Variants in SPATC1 observed in about 807,000 individuals in gnomAD.
SPATC1 encodes the protein spermatogenesis and centriole associated 1, also known as speriolin.
Under a neutral mutation model 36.5 loss-of-function variants are expected in SPATC1, and 35 were observed. The observed-to-expected ratio is 0.96, with a 90% CI of 0.73 to 1.27. The LOEUF is 1.27. Ranked by LOEUF, SPATC1 falls within the 50% of genes most tolerant of loss-of-function variation. The pLI, the probability that SPATC1 is intolerant of heterozygous loss-of-function variation, is 0.00. For missense variants in SPATC1, 779 were observed against 796.0 expected (o/e 0.98, Z 0.26); for synonymous variants, 361 against 353.6 (o/e 1.02, Z -0.24).
intron 1 of SPATC1, among the ~76,000 whole-genome samples, chr8:144,039,334 T>G (rs989966734): frequency 1.3e-5 from 2 of 152,196 alleles, no homozygotes; most frequent in African/African-American, 4.8e-5. Flanking sequence ...AGCTCTGACC[T>G]GCATCCCTGT....
At chr8:144,035,667 C>T (rs1001011988) in intron 1 of SPATC1, among the ~76,000 whole-genome samples, 25 of 152,370 alleles carry the variant, frequency 1.6e-4, no homozygotes, top group African/African-American at 5.8e-4. Context: ...GCTGTGCCCT[C>T]TCTCAGCCCT....
rs1554756757 is a variant in SPATC1, at chr8:144,046,462, G to A, written c.1447-165G>A. On this transcript the variant is annotated intron_variant, in intron 4 of 4. Transcript: ENST00000377470. The surrounding 1 kb of genome is among the most constrained non-coding windows in gnomAD (Gnocchi z 6.6). ...GAGACCTGTCAGGCTCTGCCCACTGGGTTCCCCTGTCCTAGATTCTTGAGG... is the reference window on the plus strand; with the variant it reads ...GAGACCTGTCAGGCTCTGCCCACTGAGTTCCCCTGTCCTAGATTCTTGAGG... 6.6e-6 allele frequency among the ~76,000 whole-genome samples: 1 copy of A among 152,144 alleles called. No homozygotes were observed. The highest frequency in any genetic ancestry group is 1.9e-4 in the East Asian group (1 of 5,198).
intron 4 of SPATC1, among the ~76,000 whole-genome samples, chr8:144,043,279 G>A (rs1381494400): frequency 6.7e-6 from 1 of 150,122 alleles, no homozygotes; most frequent in Non-Finnish European, 1.5e-5. Context: ...ACAGGCGTGA[G>A]CCACGGTGCC....
At position 144,017,132 on chromosome 8, in the gene SPATC1, A is replaced by T. The variant is rs546668210; in HGVS notation, c.211+4406A>T. 2.4e-4 allele frequency among the ~76,000 whole-genome samples: 36 copies of T among 152,280 alleles called. No individual in the cohort carries two copies. The Middle Eastern group carries it at 0.014, about 58-fold the overall frequency. The stretch of plus-strand genomic sequence containing the variant: ...AGAGAGAAATCCATTCACGTTATTT[A>T]ATAAGAAAACAGAAACCCTAACTGC... On this transcript the variant is annotated intron_variant, in intron 1 of 4. Transcript: ENST00000377470.
rs1835245832 is a variant in SPATC1, at chr8:144,045,864, G to A, written c.1447-763G>A. ...ACTGCCCAGGTCACACATCCAGGGG[G>A]CAGCGGCAGGCTGAGTGGGAGGGGC... On this transcript the variant is annotated intron_variant, in intron 4 of 4. Transcript: ENST00000377470. The surrounding 1 kb of genome is among the most constrained non-coding windows in gnomAD (Gnocchi z 5.2). Among the ~76,000 whole-genome samples the A allele has an allele frequency of 6.6e-6, 1 of 152,268 alleles. No individual in the cohort carries two copies. The highest frequency in any genetic ancestry group is 1.5e-5 in the Non-Finnish European group (1 of 68,044).
intron 1 of SPATC1, among the ~76,000 whole-genome samples, chr8:144,021,409 C>T (rs1834532098): frequency 7.9e-6 from 1 of 126,658 alleles, no homozygotes; most frequent in Admixed American, 7.8e-5. Flanking sequence ...CCTTCCCCAT[C>T]AGTACCCTCC....
rs1834293828 is a variant in SPATC1, at chr8:144,012,312, G to T, written c.-204G>T. 1 of 595,070 alleles carries T rather than the reference G, an allele frequency of 1.7e-6. No homozygotes were observed. The highest frequency in any genetic ancestry group is 2.0e-5 in the South Asian group (1 of 50,114). 36.9% of individuals were successfully genotyped at this position (595,070 alleles called of 1,614,324 possible). On this transcript the variant is annotated 5_prime_UTR_variant, in exon 1 of 5. Transcript: ENST00000377470. ...AGGCCGAGGCAAGGCCTGTGTACAG[G>T]CCTGGTGGCATGGAGAGCTGAGGGT... is the stretch of plus-strand genomic sequence containing the variant.
At chr8:144,017,691 G>A (rs1226895481) in intron 1 of SPATC1, among the ~76,000 whole-genome samples, 1 of 152,108 alleles carries the variant, frequency 6.6e-6, no homozygotes, top group Non-Finnish European at 1.5e-5. Context: ...TGTTACAAAG[G>A]TTTATTTGTC....
rs376331414 is a variant in SPATC1, at chr8:144,015,606, G to T, written c.211+2880G>T. 3.3e-5 allele frequency among the ~76,000 whole-genome samples: 5 copies of T among 151,044 alleles called. No homozygotes were observed. In the East Asian group the frequency reaches 5.9e-4, roughly 18 times the overall value. On this transcript the variant is annotated intron_variant, in intron 1 of 4. Coordinates refer to ENST00000377470, the MANE Select transcript of SPATC1 (RefSeq NM_198572.3). ...CAAATACAAAAATCAGCCGGGTGTG[G>T]TGGCAGGCGCCTGTAATCCCAGCTA...
chr8:144,019,503 G>C (rs1834460997), intron 1 of SPATC1, among the ~76,000 whole-genome samples: 1 of 152,214 alleles, frequency 6.6e-6, no homozygotes, highest in African/African-American at 2.4e-5. Flanking sequence ...CAGGCGCCAA[G>C]AGCTTCAGAC....
chr8:144,016,627 TTTTG>T lies in SPATC1; in HGVS notation c.211+3913_211+3916del, dbSNP rs1364489601. Reference sequence around the variant, plus strand: ...TTTTTGTTTGTTTGTTTGTTTGTTTTTTTGTTTGTTTGTTTTTGAGACAGAGTGT... The same window carrying T: ...TTTTTGTTTGTTTGTTTGTTTGTTTTTTTGTTTGTTTTTGAGACAGAGTGT... On this transcript the variant is annotated intron_variant, in intron 1 of 4. Transcript: ENST00000377470. This position sits in a 1 kb window ranked among gnomAD's most constrained non-coding sequence, Gnocchi z 4.5. 1.3e-5 allele frequency among the ~76,000 whole-genome samples: 2 copies of T among 149,952 alleles called. No individual in the cohort carries two copies. The highest frequency in any genetic ancestry group is 2.1e-4 in the South Asian group (1 of 4,814).
intron 4 of SPATC1, among the ~76,000 whole-genome samples, chr8:144,042,284 A>AATATATATATATAT (rs1554756220): frequency 4.4e-4 from 16 of 36,296 alleles, no homozygotes; most frequent in African/African-American, 1.6e-3. Context: ...ACGCCCAGCT[A>AATATATATATATAT]ATATATATAT....
At chr8:144,024,020 C>A (rs1424610049) in intron 1 of SPATC1, among the ~76,000 whole-genome samples, 1 of 150,702 alleles carries the variant, frequency 6.6e-6, no homozygotes, top group African/African-American at 2.4e-5. Flanking sequence ...AGGACCCTCT[C>A]CCCTCAGAAC....
intron 1 of SPATC1, among the ~76,000 whole-genome samples, chr8:144,030,476 C>T (rs1004057611): frequency 0.057 from 8,723 of 152,192 alleles, 311 homozygotes; most frequent in Non-Finnish European, 0.078. Flanking sequence ...CTCCTGCTTC[C>T]GCCTCCTGAG....
chr8:144,040,774 TC>T lies in SPATC1; in HGVS notation c.978del (p.Thr327ProfsTer89). On this transcript the variant is annotated frameshift_variant, in exon 3 of 5. Coordinates refer to ENST00000377470, the MANE Select transcript of SPATC1 (RefSeq NM_198572.3). LOFTEE classifies it high-confidence loss of function. ...EQVVPASVPT[S>X]PTTSPTVTVL... The stretch of plus-strand genomic sequence containing the variant: ...AGTGGTCCCTGCATCTGTCCCCACC[TC>T]CCCCACCACCTCCCCCACGGTCACC... 7.4e-7 allele frequency: 1 copy of T among 1,352,942 alleles called. No individual in the cohort carries two copies. The highest frequency in any genetic ancestry group is 1.6e-5 in the South Asian group (1 of 64,062). 83.8% of individuals were successfully genotyped at this position (1,352,942 alleles called of 1,614,324 possible). A position where few individuals can be genotyped will look rare whatever the true frequency, so the allele number is the denominator to read the frequency against.
At position 144,041,375 on chromosome 8, in the gene SPATC1, T is replaced by A; in HGVS notation, c.1446+4T>A. 6.2e-7 allele frequency: 1 copy of A among 1,606,904 alleles called. No individual in the cohort carries two copies. Among genetic ancestry groups the A allele is most frequent in the South Asian group, 1.1e-5 (1 of 91,082 alleles). ...CATCCCAGAGAAGATCATCCAGGTG[T>A]GCGGCCAGGGGTCCTGCAGGGACAG... On this transcript the variant is annotated splice_donor_region_variant and intron_variant, in intron 4 of 4. Coordinates refer to ENST00000377470, the MANE Select transcript of SPATC1 (RefSeq NM_198572.3).
At chr8:144,029,217 A>AT (rs1834747758) in intron 1 of SPATC1, among the ~76,000 whole-genome samples, 3 of 151,174 alleles carry the variant, frequency 2.0e-5, no homozygotes, top group African/African-American at 7.3e-5. Context: ...AAAAAAAAAA[A>AT]AAAAAAAAAA....
At chr8:144,020,123 T>C (rs1834476347) in intron 1 of SPATC1, among the ~76,000 whole-genome samples, 1 of 151,392 alleles carries the variant, frequency 6.6e-6, no homozygotes, top group African/African-American at 2.4e-5. Flanking sequence ...AGAAACACGT[T>C]CCCGCTCAAG....
chr8:144,026,992 T>TC (rs1834694829), intron 1 of SPATC1, among the ~76,000 whole-genome samples: 2 of 144,830 alleles, frequency 1.4e-5, no homozygotes, highest in South Asian at 2.2e-4. Context: ...TTTTTCTTTT[T>TC]TTTTTTTTTT....
Sources: allele counts gnomAD v4.1 joint callset (sites outside exome capture counted in the v4.1 genomes callset), GRCh38; gene constraint gnomAD v4.1.1; non-coding constraint Gnocchi (gnomAD v3.1); transcripts MANE v1.5; gene names NCBI Gene and HGNC (gene_info 2026-07-23, HGNC 2026-07-21).